ARAP3: variants seen among roughly 807,000 people sequenced by gnomAD.
ARAP3 encodes arf-GAP with Rho-GAP domain, ANK repeat and PH domain-containing protein 3.
A neutral mutation model predicts 169.2 loss-of-function variants in ARAP3; 82 were observed. The ratio of observed to expected loss-of-function variants is 0.48; its 90% CI spans 0.41 to 0.58. The LOEUF (loss-of-function observed/expected upper bound fraction) is 0.58, where lower values mean the gene tolerates loss of function less well. Among genes scored for constraint, ARAP3 ranks in the 20% least tolerant of loss-of-function variants. The pLI, the probability that ARAP3 is intolerant of heterozygous loss-of-function variation, is 0.00. For synonymous variants in ARAP3, 791 were observed against 800.3 expected, an observed-to-expected ratio of 0.99 and a Z score of 0.20; for missense variants, 1,764 against 2,018.0, an observed-to-expected ratio of 0.87 and a Z score of 2.41.
chr5:141,664,965 G>A lies in ARAP3; in HGVS notation c.2757C>T (p.Ile919=). 6.2e-7 allele frequency: 1 copy of A among 1,613,102 alleles called. No individual in the cohort carries two copies. The part of the protein sequence containing the change: ...LQEQQMSRGD[I]PIIVDACISF... ...TGATGCAGGCATCCACGATGATGGGGATGTCACCCCGGCTCATCTGCTGCT... is the reference window on the plus strand; with the variant it reads ...TGATGCAGGCATCCACGATGATGGGAATGTCACCCCGGCTCATCTGCTGCT... The change falls in exon 19 of 33, where the codon ATC becomes ATT. Residue 919 remains isoleucine, a synonymous_variant. Coordinates refer to ENST00000239440, the MANE Select transcript of ARAP3 (RefSeq NM_022481.6).
At chr5:141,656,302 G>A in intron 27 of ARAP3, 26 bp from the exon 28 acceptor site, 1 of 1,613,296 alleles carries the variant, frequency 6.2e-7, no homozygotes, top group Non-Finnish European at 8.5e-7. Flanking sequence ...GAGTCAGCGA[G>A]ATGGAGAGAT....
chr5:141,659,440 C>T lies in ARAP3; in HGVS notation c.3304G>A (p.Val1102Ile). 1 of 1,614,228 alleles carries T rather than the reference C, an allele frequency of 6.2e-7. No homozygotes were observed. Among genetic ancestry groups the T allele is most frequent in the Non-Finnish European group, 8.5e-7 (1 of 1,180,044 alleles). The change falls in exon 23 of 33, where the codon GTC (valine) becomes ATC (isoleucine). Residue 1102 changes from valine to isoleucine, a missense_variant. By Grantham distance (29) the Val-to-Ile change is conservative (BLOSUM62 3). Around this residue, in one of 3 missense-constraint regions of ARAP3, gnomAD observed 1,112 missense variants for 1,285.7 expected, o/e 0.86. Coordinates refer to ENST00000239440, the MANE Select transcript of ARAP3 (RefSeq NM_022481.6). ...SDQVAQIDLEVSLITTWKDVQ... is the reference protein window; with the variant it reads ...SDQVAQIDLEISLITTWKDVQ... Reference sequence around the variant, plus strand: ...TCCTTCCAGGTGGTGATAAGACTGACCTCCAAGTCAATCTGAGCTACCTGG... The same window carrying T: ...TCCTTCCAGGTGGTGATAAGACTGATCTCCAAGTCAATCTGAGCTACCTGG...
Position 141,654,052 on chromosome 5 carries a change from G to A in ARAP3, c.4533C>T (p.Ser1511=). The A allele has an allele frequency of 6.2e-7, 1 of 1,602,022 alleles. No homozygotes were observed. The highest frequency in any genetic ancestry group is 8.5e-7 in the Non-Finnish European group (1 of 1,173,710). ...AGLGSPSQPS[S]PQSPSPTGLP... ...GGCCAGTGGGGCTGGGGGATTGGGG[G>A]CTGGATGGCTGGGAAGGACTTCCCA... is the stretch of plus-strand genomic sequence containing the variant. Residue 1511 remains serine, a synonymous_variant, in exon 33 of 33, where the codon AGC becomes AGT. Coordinates refer to ENST00000239440, the MANE Select transcript of ARAP3 (RefSeq NM_022481.6).
rs772263290 is a variant in ARAP3 at position 141,658,612 on chromosome 5, C to T, written c.3378G>A (p.Glu1126=). ...TGACACAGTTGTCTGGGAGCTGCTGCTCTATATAAACTTCCATGATGAGGT... is the reference window on the plus strand; with the variant it reads ...TGACACAGTTGTCTGGGAGCTGCTGTTCTATATAAACTTCCATGATGAGGT... ...AGDLIMEVYI[E]QQLPDNCVTL... is the part of the protein sequence containing the mutation. The change falls in exon 24 of 33, where the codon GAG becomes GAA. Residue 1126 remains glutamate, a synonymous_variant. Coordinates refer to ENST00000239440, the MANE Select transcript of ARAP3 (RefSeq NM_022481.6). 6.2e-7 allele frequency: 1 copy of T among 1,611,104 alleles called. No homozygotes were observed. Among genetic ancestry groups the T allele is most frequent in the South Asian group, 1.1e-5 (1 of 90,602 alleles).
At chr5:141,673,207 A>G in intron 6 of ARAP3, 74 bp from the exon 7 acceptor site, 1 of 1,600,920 alleles carries the variant, frequency 6.2e-7, no homozygotes, top group South Asian at 1.1e-5. Context: ...GTCCTGCCCC[A>G]GATTTTATAA....
At chr5:141,660,493 CAAAA>C (rs549366104) in intron 21 of ARAP3, among the ~76,000 whole-genome samples, 3 of 91,326 alleles carry the variant, frequency 3.3e-5, no homozygotes, top group African/African-American at 4.2e-5. Flanking sequence ...GACTCCGTCT[CAAAA>C]AAAAAAAAAA....
chr5:141,670,012 G>C lies in ARAP3; in HGVS notation c.2159C>G (p.Ser720Trp). 1 of 1,597,550 alleles carries C rather than the reference G, an allele frequency of 6.3e-7. No homozygotes were observed. The highest frequency in any genetic ancestry group is 8.5e-7 in the Non-Finnish European group (1 of 1,175,920). The change falls in exon 15 of 33, where the codon TCG becomes TGG. Residue 720 changes from serine (S) to tryptophan (W), a missense_variant. Coordinates refer to ENST00000239440, the MANE Select transcript of ARAP3 (RefSeq NM_022481.6). ...VLGAALEMFA[S>W]ENSPEPLSLI... ...GCTGAGGGGTTCAGGGCTGTTTTCC[G>C]ATGCAAACATTTCCAGAGCTGCTCC...
At chr5:141,678,674 G>C (rs934602764) in intron 4 of ARAP3, among the ~76,000 whole-genome samples, 4 of 151,426 alleles carry the variant, frequency 2.6e-5, no homozygotes, top group Non-Finnish European at 5.9e-5. Context: ...TTTTAGTAGA[G>C]ACGGAGTTTC....
intron 16 of ARAP3, 126 bp from the exon 17 acceptor site, chr5:141,666,769 G>C: frequency 2.1e-6 from 1 of 468,376 alleles, no homozygotes; most frequent in East Asian, 3.5e-5. Context: ...CAGAAGAAAA[G>C]CAGGAATGAA....
chr5:141,672,750 C>T lies in ARAP3; in HGVS notation c.1269G>A (p.Lys423=). The T allele has an allele frequency of 6.2e-7, 1 of 1,602,588 alleles. No individual in the cohort carries two copies. The highest frequency in any genetic ancestry group is 8.5e-7 in the Non-Finnish European group (1 of 1,173,032). ...GCCCGGCTCTCCTCACCTGCTCACT[C>T]TTGTACAGTGCCAGCTCTCCAGGGC... The part of the protein sequence containing the change: ...ALSPGELALY[K]SEQAFSLGIG... Residue 423 remains lysine, a synonymous_variant, in exon 8 of 33, where the codon AAG becomes AAA. Coordinates refer to ENST00000239440, the MANE Select transcript of ARAP3 (RefSeq NM_022481.6). This position sits in a 1 kb window ranked among gnomAD's most constrained non-coding sequence, Gnocchi z 4.9.
intron 21 of ARAP3, among the ~76,000 whole-genome samples, chr5:141,660,999 T>C (rs927766569): frequency 1.3e-5 from 2 of 152,184 alleles, no homozygotes; most frequent in African/African-American, 4.8e-5. Flanking sequence ...TGTACTGGCA[T>C]GTACTATAGT....
At chr5:141,662,914 A>G (rs1273766453) in intron 19 of ARAP3, among the ~76,000 whole-genome samples, 1 of 152,180 alleles carries the variant, frequency 6.6e-6, no homozygotes, top group African/African-American at 2.4e-5. Context: ...AAATCAAACA[A>G]TATATATAAA....
At chr5:141,669,595 G>A in intron 16 of ARAP3, 114 bp downstream of exon 16, 2 of 987,000 alleles carry the variant, frequency 2.0e-6, no homozygotes, top group Non-Finnish European at 3.1e-6. Context: ...TATGTGCTCA[G>A]TCACCCTTAG....
rs367564510 is a variant in ARAP3, at chr5:141,658,365, C to T, written c.3526G>A (p.Glu1176Lys). The change falls in exon 25 of 33, where the codon GAG becomes AAG. Residue 1176 changes from glutamate to lysine, a missense_variant and splice_region_variant. Coordinates refer to ENST00000239440, the MANE Select transcript of ARAP3 (RefSeq NM_022481.6). ...TFEIREHGEL[E>K]RPLHPKEKVL... ...AACACACAGGCGTGGTCATACTCAC[C>T]CAGCTCCCCATGCTCGCGAATCTCA... 1.1e-5 allele frequency: 17 copies of T among 1,612,730 alleles called. No homozygotes were observed. In the South Asian group the frequency reaches 1.5e-4, roughly 15 times the overall value.
chr5:141,665,279 G>C (rs756746538), intron 18 of ARAP3, 32 bp downstream of exon 18: 2 of 1,611,916 alleles, frequency 1.2e-6, no homozygotes, highest in East Asian at 2.2e-5. Context: ...TCCAGGAAGG[G>C]GAGCCCCAGG....
rs2099912730 is a variant in ARAP3 at position 141,679,812 on chromosome 5, T to C, written c.535A>G (p.Ser179Gly). The change falls in exon 3 of 33, where the codon AGC (serine) becomes GGC (glycine). Residue 179 changes from serine (S) to glycine (G), a missense_variant. By Grantham distance (56) the Ser-to-Gly change is moderately conservative. Around this residue, in one of 3 missense-constraint regions of ARAP3, gnomAD observed 630 missense variants for 678.7 expected, o/e 0.93. Coordinates refer to ENST00000239440, the MANE Select transcript of ARAP3 (RefSeq NM_022481.6). ...GGGGTGGGGGCAGAGATTTGGGAGCTGTCTGGGGCCCTGAAGGGAAAGGTC... is the reference window on the plus strand; with the variant it reads ...GGGGTGGGGGCAGAGATTTGGGAGCCGTCTGGGGCCCTGAAGGGAAAGGTC... ...AQAAQDKAPD[S>G]SQISAPTPAL... is the part of the protein sequence containing the mutation. 1 of 1,611,898 alleles carries C rather than the reference T, an allele frequency of 6.2e-7. No homozygotes were observed. Among genetic ancestry groups the C allele is most frequent in the African/African-American group, 1.3e-5 (1 of 74,676 alleles).
Position 141,666,639 on chromosome 5 carries a change from A to T in ARAP3, c.2357T>A (p.Phe786Tyr). The part of the protein sequence containing the change: ...EAWTSAVGKW[F>Y]SPLSCHQLLG... ...CAGCTGGTGGCAGCTCAGCGGGGAG[A>T]ACCACTGTAGAGGCAGGGGGAGGAC... The change falls in exon 17 of 33, where the codon TTC becomes TAC. Residue 786 changes from phenylalanine (F) to tyrosine (Y), a missense_variant. Around this residue, in one of 3 missense-constraint regions of ARAP3, gnomAD observed 1,112 missense variants for 1,285.7 expected, o/e 0.86. Coordinates refer to ENST00000239440, the MANE Select transcript of ARAP3 (RefSeq NM_022481.6). The T allele has an allele frequency of 7.1e-7, 1 of 1,416,738 alleles. No homozygotes were observed. The highest frequency in any genetic ancestry group is 2.8e-5 in the East Asian group (1 of 36,294). 87.8% of individuals were successfully genotyped at this position (1,416,738 alleles called of 1,614,324 possible). A position where few individuals can be genotyped will look rare whatever the true frequency, so the allele number is the denominator to read the frequency against.
chr5:141,656,937 A>G (rs1446475440), intron 25 of ARAP3, 91 bp from the exon 26 acceptor site: 14 of 1,470,776 alleles, frequency 9.5e-6, no homozygotes, highest in Non-Finnish European at 1.3e-5. Context: ...CCATTCAACT[A>G]TCCAACCACA....
At chr5:141,678,113 TA>T (rs1433089205) in intron 4 of ARAP3, among the ~76,000 whole-genome samples, 3 of 152,048 alleles carry the variant, frequency 2.0e-5, no homozygotes, top group African/African-American at 7.2e-5. Context: ...CGCCCGGCTA[TA>T]TTTTTTTTGT....
Sources: allele counts gnomAD v4.1 joint callset (sites outside exome capture counted in the v4.1 genomes callset), GRCh38; gene constraint gnomAD v4.1.1; regional missense constraint gnomAD v4.1.1; non-coding constraint Gnocchi (gnomAD v3.1); transcripts MANE v1.5; gene names NCBI Gene and HGNC (gene_info 2026-07-23, HGNC 2026-07-21).